ZDHHC15: variants seen among roughly 807,000 people sequenced by gnomAD.
ZDHHC15 encodes palmitoyltransferase ZDHHC15.
Under a neutral mutation model 31.7 loss-of-function variants are expected in ZDHHC15, and 19 were observed. The observed-to-expected ratio is 0.60, with a 90% CI of 0.42 to 0.88. The LOEUF (loss-of-function observed/expected upper bound fraction) is 0.88. ZDHHC15 is among the 40% of genes least tolerant of loss of function. The pLI is 0.00. For missense variants in ZDHHC15, 209 were observed against 251.2 expected (o/e 0.83, Z 1.14); for synonymous variants, 103 against 90.0 (o/e 1.14, Z -0.82).
intron 1 of ZDHHC15, 126 bp downstream of exon 1, chrX:75,522,763 C>T: frequency 1.0e-6 from 1 of 960,269 alleles, no homozygotes; most frequent in African/African-American, 1.9e-5. Context: ...ACAAGGAACT[C>T]TCCAGGGAGA....
chrX:75,447,375 C>G (rs2084048632), intron 4 of ZDHHC15, among the ~76,000 whole-genome samples: 1 of 112,564 alleles, frequency 8.9e-6, no homozygotes, highest in Non-Finnish European at 1.9e-5. Flanking sequence ...TATCCACCAT[C>G]ATGATATTCC....
chrX:75,422,927 G>A (rs1016254275), intron 8 of ZDHHC15, among the ~76,000 whole-genome samples: 8 of 104,938 alleles, frequency 7.6e-5, no homozygotes, highest in African/African-American at 2.8e-4. Context: ...CTAGCATTAG[G>A]TATATCTCCC....
chrX:75,479,359 A>G (rs1425261766), intron 2 of ZDHHC15, among the ~76,000 whole-genome samples: 1 of 112,205 alleles, frequency 8.9e-6, no homozygotes, highest in Non-Finnish European at 1.9e-5. Flanking sequence ...GCTTTCACAT[A>G]TATTATTTCA....
At chrX:75,375,230 C>A (rs188079395) in intron 11 of ZDHHC15, among the ~76,000 whole-genome samples, 1 of 111,587 alleles carries the variant, frequency 9.0e-6, no homozygotes, top group African/African-American at 3.3e-5. Flanking sequence ...TCCTTGCCTA[C>A]AATAGGTACT....
At chrX:75,509,342 CT>C (rs2085222118) in intron 1 of ZDHHC15, among the ~76,000 whole-genome samples, 1 of 111,658 alleles carries the variant, frequency 9.0e-6, no homozygotes, top group Non-Finnish European at 1.9e-5. Flanking sequence ...AATTTATATT[CT>C]TTTTTTCACT....
intron 10 of ZDHHC15, among the ~76,000 whole-genome samples, chrX:75,416,260 C>T (rs1043768344): frequency 3.6e-5 from 4 of 111,595 alleles, no homozygotes; most frequent in East Asian, 2.8e-4. Flanking sequence ...TGTTCTCTAC[C>T]GCTGCTCCCA....
intron 2 of ZDHHC15, among the ~76,000 whole-genome samples, chrX:75,492,564 A>G (rs1315230336): frequency 8.9e-6 from 1 of 111,874 alleles, no homozygotes; most frequent in Non-Finnish European, 1.9e-5. Context: ...AAAAGAACAG[A>G]AATTATAACA....
rs947275169 is a variant in ZDHHC15 at position 75,432,358 on chromosome X, C to A, written c.380-838G>T. On this transcript the variant is annotated intron_variant, in intron 4 of 11. Coordinates refer to ENST00000373367, the MANE Select transcript of ZDHHC15 (RefSeq NM_144969.3). ...GATGAATAATTTGAACTAATATAAT[C>A]ATTTCATCTAAAGTGTACATTAAGC... Among the ~76,000 whole-genome samples, 5 of 111,389 alleles carry A rather than the reference C, an allele frequency of 4.5e-5. No homozygotes were observed. In the South Asian group the frequency reaches 1.9e-3, roughly 42 times the overall value.
chrX:75,472,141 C>G (rs1602684451), intron 3 of ZDHHC15, among the ~76,000 whole-genome samples: 1 of 111,778 alleles, frequency 8.9e-6, no homozygotes. Flanking sequence ...CAAAGTAGCT[C>G]AAATGCCCAT....
chrX:75,495,362 G>A (rs1246129514), intron 2 of ZDHHC15, among the ~76,000 whole-genome samples: 7 of 111,555 alleles, frequency 6.3e-5, no homozygotes, highest in Admixed American at 1.9e-4. Context: ...CCATTGTGGA[G>A]GTGAGTGTGG....
chrX:75,519,380 T>C (rs760581232), intron 1 of ZDHHC15, among the ~76,000 whole-genome samples: 7 of 111,252 alleles, frequency 6.3e-5, no homozygotes, highest in Non-Finnish European at 1.3e-4. Flanking sequence ...CATCATGTTA[T>C]TTGAGCCTCA....
At chrX:75,414,498 C>T (rs1189480166) in intron 10 of ZDHHC15, among the ~76,000 whole-genome samples, 1 of 96,410 alleles carries the variant, frequency 1.0e-5, no homozygotes, top group African/African-American at 3.9e-5. Flanking sequence ...GGCGCGATCT[C>T]GGCTCACTGC....
At chrX:75,438,894 T>A (rs2147879927) in intron 4 of ZDHHC15, among the ~76,000 whole-genome samples, 1 of 112,291 alleles carries the variant, frequency 8.9e-6, no homozygotes, top group African/African-American at 3.2e-5. Context: ...AAAAATATTT[T>A]ATCTTTCCTT....
intron 1 of ZDHHC15, among the ~76,000 whole-genome samples, chrX:75,515,329 C>T (rs1244310534): frequency 9.0e-6 from 1 of 110,916 alleles, no homozygotes; most frequent in East Asian, 2.8e-4. Flanking sequence ...GATGCAAAAT[C>T]CTCAATAAAA....
At chrX:75,431,938 T>C (rs1425682344) in intron 4 of ZDHHC15, among the ~76,000 whole-genome samples, 2 of 111,676 alleles carry the variant, frequency 1.8e-5, no homozygotes, top group Non-Finnish European at 3.8e-5. Context: ...TCCTAAAACA[T>C]GGTAAAGAGA....
In ZDHHC15 at chrX:75,440,095, T is replaced by A. The variant is rs757415029; in HGVS notation, c.380-8575A>T. The stretch of plus-strand genomic sequence containing the variant: ...AGCAGGGGAGTTGAAGTGGATTCTG[T>A]GAGGATCCTTGACTGTAGATTTTTT... On this transcript the variant is annotated intron_variant, in intron 4 of 11. Transcript: ENST00000373367. Among the ~76,000 whole-genome samples the A allele has an allele frequency of 7.2e-5, 8 of 111,240 alleles. No homozygotes were observed. The South Asian group carries it at 3.1e-3, about 43-fold the overall frequency.
At chrX:75,515,903 A>T (rs2085348630) in intron 1 of ZDHHC15, among the ~76,000 whole-genome samples, 1 of 111,942 alleles carries the variant, frequency 8.9e-6, no homozygotes, top group African/African-American at 3.3e-5. Flanking sequence ...ATACCAAATC[A>T]ATGTGCAAAA....
chrX:75,403,112 A>G (rs2083375036), intron 10 of ZDHHC15, among the ~76,000 whole-genome samples: 1 of 112,685 alleles, frequency 8.9e-6, no homozygotes, highest in South Asian at 3.7e-4. Flanking sequence ...GTGATTAATC[A>G]CATAAATAGA....
rs182630019 is a variant in ZDHHC15 at position 75,442,714 on chromosome X, C to T, written c.379+8088G>A. ...GAAAAAATCAATATTGGGCCGGGCG[C>T]GGTGGCTCACGCCTGTAATCCCAGC... On this transcript the variant is annotated intron_variant, in intron 4 of 11. Coordinates refer to ENST00000373367, the MANE Select transcript of ZDHHC15 (RefSeq NM_144969.3). Among the ~76,000 whole-genome samples, 1,074 of 111,342 alleles carry T rather than the reference C, an allele frequency of 9.6e-3. 16 individuals carry two copies. Among genetic ancestry groups the T allele is most frequent in the African/African-American group, 0.033 (1,025 of 30,705 alleles).
Sources: allele counts gnomAD v4.1 joint callset (sites outside exome capture counted in the v4.1 genomes callset), GRCh38; gene constraint gnomAD v4.1.1; transcripts MANE v1.5; gene names NCBI Gene and HGNC (gene_info 2026-07-23, HGNC 2026-07-21).